RB1: variants seen among roughly 807,000 people sequenced by gnomAD.
RB1 encodes RB transcriptional corepressor 1.
Under a neutral mutation model 135.4 loss-of-function variants are expected in RB1, and 18 were observed. That is an observed-to-expected ratio of 0.13 (90% CI 0.09 to 0.20). The LOEUF (loss-of-function observed/expected upper bound fraction) is 0.20. Among genes scored for constraint, RB1 ranks in the 10% least tolerant of loss-of-function variants. The probability of loss-of-function intolerance (pLI) is 1.00; values close to 1 mark genes in which losing one functional copy is unlikely to be tolerated. For missense variants in RB1, 868 were observed against 1,110.0 expected (o/e 0.78, Z 3.10); for synonymous variants, 365 against 373.2 (o/e 0.98, Z 0.25).
intron 24 of RB1, among the ~76,000 whole-genome samples, chr13:48,476,036 T>C (rs1949502225): frequency 6.6e-6 from 1 of 152,224 alleles, no homozygotes; most frequent in African/African-American, 2.4e-5. Flanking sequence ...CGGGATTTAG[T>C]TTTTGTTAAA....
intron 17 of RB1, among the ~76,000 whole-genome samples, chr13:48,402,134 A>T (rs762722643): frequency 9.9e-5 from 15 of 152,142 alleles, no homozygotes; most frequent in African/African-American, 2.4e-4. Context: ...TGAACATAGG[A>T]TACACTAATC....
intron 26 of RB1, 53 bp from the exon 27 acceptor site, chr13:48,479,944 GC>G: frequency 6.8e-7 from 1 of 1,470,584 alleles, no homozygotes; most frequent in Non-Finnish European, 9.5e-7. Context: ...GCAGCCACTT[GC>G]CAACTTACCC....
intron 17 of RB1, among the ~76,000 whole-genome samples, chr13:48,404,607 A>G (rs1016614141): frequency 1.3e-5 from 2 of 152,174 alleles, no homozygotes; most frequent in Admixed American, 6.5e-5. Context: ...GCTCACTGCA[A>G]CCGCTGCCTC....
chr13:48,351,046 G>A (rs905077734), intron 6 of RB1, among the ~76,000 whole-genome samples: 3 of 152,134 alleles, frequency 2.0e-5, no homozygotes, highest in Non-Finnish European at 4.4e-5. Context: ...GAACATTCAC[G>A]TGCTTTTGTC....
rs200933444 is a variant in RB1, at chr13:48,353,587, A to T, written c.607+4564A>T. ...ACTAGGAAGAAATACTTCTAAACTC[A>T]TTCTACAAGGCCTGTATTACCCTGA... On this transcript the variant is annotated intron_variant, in intron 6 of 26. Coordinates refer to ENST00000267163, the MANE Select transcript of RB1 (RefSeq NM_000321.3). Among the ~76,000 whole-genome samples the T allele has an allele frequency of 7.9e-5, 12 of 152,268 alleles. No individual in the cohort carries two copies. In the East Asian group the frequency reaches 1.9e-3, roughly 24 times the overall value.
chr13:48,422,938 C>T (rs1271464057), intron 17 of RB1: 1 of 152,152 alleles, frequency 6.6e-6, no homozygotes, highest in Non-Finnish European at 1.5e-5. Context: ...ACCAGGATTT[C>T]AAGACCAGCC....
chr13:48,334,369 T>C (rs1200804403), intron 2 of RB1, among the ~76,000 whole-genome samples: 1 of 152,228 alleles, frequency 6.6e-6, no homozygotes, highest in East Asian at 1.9e-4. Flanking sequence ...TAGCCTGTTA[T>C]TCCTTCTGTT....
chr13:48,356,311 C>T, intron 6 of RB1, among the ~76,000 whole-genome samples: 1 of 151,828 alleles, frequency 6.6e-6, no homozygotes, highest in East Asian at 1.9e-4. Context: ...TTTTCTAAAA[C>T]TAGGTTCATA....
At chr13:48,442,112 G>A (rs975536915) in intron 17 of RB1, among the ~76,000 whole-genome samples, 1 of 152,086 alleles carries the variant, frequency 6.6e-6, no homozygotes, top group Non-Finnish European at 1.5e-5. Context: ...AGACATGCTA[G>A]CTTCAAGAAC....
intron 17 of RB1, among the ~76,000 whole-genome samples, chr13:48,448,221 T>C (rs1160790008): frequency 6.6e-6 from 1 of 152,220 alleles, no homozygotes; most frequent in Non-Finnish European, 1.5e-5. Context: ...TAGCATTACT[T>C]TGCTCAGATG....
intron 17 of RB1, among the ~76,000 whole-genome samples, chr13:48,450,538 A>G (rs1374590788): frequency 2.0e-5 from 3 of 152,124 alleles, no homozygotes; most frequent in African/African-American, 7.2e-5. Flanking sequence ...CTTTTGTACT[A>G]ATACCATGCT....
chr13:48,363,513 C>T (rs977746268), intron 8 of RB1, among the ~76,000 whole-genome samples: 5 of 152,158 alleles, frequency 3.3e-5, no homozygotes, highest in African/African-American at 7.2e-5. Context: ...GACATGATTG[C>T]ACCACTGCAC....
At position 48,320,700 on chromosome 13, in the gene RB1, G is replaced by C. The variant is rs150851029; in HGVS notation, c.264+13294G>C. On this transcript the variant is annotated intron_variant, in intron 2 of 26. Coordinates refer to ENST00000267163, the MANE Select transcript of RB1 (RefSeq NM_000321.3). ...ACAAAAATTAGCCGGGCGTGGTGGT[G>C]TGAGCCTGTAGTCCCAGCTACTCGT... Among the ~76,000 whole-genome samples the C allele has an allele frequency of 4.4e-3, 669 of 152,198 alleles. 5 individuals carry two copies. Among genetic ancestry groups the C allele is most frequent in the African/African-American group, 0.015 (641 of 41,518 alleles).
chr13:48,392,618 C>A (rs575010139), intron 17 of RB1, among the ~76,000 whole-genome samples: 11 of 152,088 alleles, frequency 7.2e-5, no homozygotes, highest in Non-Finnish European at 1.2e-4. Context: ...TCTTCCATAT[C>A]TATTTTTATT....
intron 2 of RB1, among the ~76,000 whole-genome samples, chr13:48,313,492 G>A (rs1952150537): frequency 6.9e-6 from 1 of 145,898 alleles, no homozygotes; most frequent in Non-Finnish European, 1.5e-5. Context: ...AAGTCATATG[G>A]TTTTTAGTTC....
chr13:48,359,009 G>T (rs1390000784), intron 6 of RB1, among the ~76,000 whole-genome samples: 1 of 152,036 alleles, frequency 6.6e-6, no homozygotes, highest in East Asian at 1.9e-4. Context: ...AACGTTATCT[G>T]TTTTCTCACA....
intron 17 of RB1, among the ~76,000 whole-genome samples, chr13:48,393,865 T>G (rs1428839465): frequency 6.6e-6 from 1 of 152,238 alleles, no homozygotes; most frequent in Admixed American, 6.5e-5. Flanking sequence ...ATACTCTTTT[T>G]CTGTGGTCAC....
At chr13:48,401,860 T>G (rs1225036120) in intron 17 of RB1, among the ~76,000 whole-genome samples, 1 of 152,206 alleles carries the variant, frequency 6.6e-6, no homozygotes, top group African/African-American at 2.4e-5. Flanking sequence ...CAAATTTATC[T>G]TTAAGATTTT....
At chr13:48,307,031 A>G (rs1952086431) in intron 1 of RB1, among the ~76,000 whole-genome samples, 1 of 152,228 alleles carries the variant, frequency 6.6e-6, no homozygotes, top group African/African-American at 2.4e-5. Flanking sequence ...GCTTTGAAGT[A>G]TATTTGACTT....
Sources: gnomAD v4.1 joint callset for allele counts (sites outside exome capture counted in the v4.1 genomes callset) on GRCh38, gnomAD v4.1.1 for gene constraint, MANE v1.5 for transcripts, NCBI Gene and HGNC (gene_info 2026-07-23, HGNC 2026-07-21) for gene names.